The following RRBP1 variants were observed in gnomAD, a reference collection of about 807,000 sequenced individuals.
RRBP1 encodes ribosome binding protein 1, also known as ribosome-binding protein 1.
RRBP1 carries 94 observed loss-of-function variants against 165.2 expected under a neutral mutation model. The observed-to-expected ratio is 0.57, with a 90% CI of 0.48 to 0.68. The LOEUF is 0.68. RRBP1 is among the 30% of genes least tolerant of loss of function. The pLI, the probability that RRBP1 is intolerant of heterozygous loss-of-function variation, is 0.00. For missense variants in RRBP1, 1,676 were observed against 1,763.0 expected (o/e 0.95, Z 0.88); for synonymous variants, 680 against 714.5 (o/e 0.95, Z 0.77).
At chr20:17,619,802 G>A in intron 18 of RRBP1, 74 bp from the exon 19 acceptor site, 1 of 1,141,070 alleles carries the variant, frequency 8.8e-7, no homozygotes. Flanking sequence ...TCAGGGAGCA[G>A]GCTGGCCCTG....
intron 21 of RRBP1, 132 bp downstream of exon 21, chr20:17,616,600 G>A (rs2035804952): frequency 2.4e-5 from 15 of 631,452 alleles, no homozygotes; most frequent in Middle Eastern, 3.7e-4. Context: ...TCCAAATGGG[G>A]CAAAGCAGGG....
chr20:17,618,792 C>G (rs1365799252), intron 19 of RRBP1, 113 bp from the exon 20 acceptor site: 6 of 785,620 alleles, frequency 7.6e-6, no homozygotes, highest in Non-Finnish European at 1.3e-5. Context: ...TAACCAAAAC[C>G]CTGAGGAGGG....
chr20:17,640,323 C>T (rs761756925), intron 5 of RRBP1, among the ~76,000 whole-genome samples: 15 of 152,260 alleles, frequency 9.9e-5, no homozygotes, highest in East Asian at 1.9e-4. Context: ...CATCCAAGCA[C>T]GGAAGGGCAT....
chr20:17,636,518 G>A (rs1465577744), intron 6 of RRBP1, 59 bp downstream of exon 6: 14 of 1,583,074 alleles, frequency 8.8e-6, no homozygotes, highest in East Asian at 2.2e-5. Flanking sequence ...GGCTCCCTCC[G>A]TCCTGGACCT....
At chr20:17,681,774 G>A (rs939791061) in intron 1 of RRBP1, among the ~76,000 whole-genome samples, 4 of 150,704 alleles carry the variant, frequency 2.7e-5, no homozygotes, top group African/African-American at 9.7e-5. Context: ...CTCCCCGGAC[G>A]GCGAGGGCCG....
In RRBP1 at chr20:17,639,875, A is replaced by G. The variant is rs2036317360; in HGVS notation, c.2184+1922T>C. ...GCCATTGCACTCCAGCCTGGGCAAT[A>G]ACAGTGAAACTCCAGTCTCAAAAAA... On this transcript the variant is annotated intron_variant, in intron 5 of 24. Transcript: ENST00000377813. 2.0e-5 allele frequency among the ~76,000 whole-genome samples: 3 copies of G among 148,208 alleles called. No homozygotes were observed. In the Admixed American group the frequency reaches 2.0e-4, roughly 10 times the overall value.
At chr20:17,642,917 G>A (rs1383460059) in intron 4 of RRBP1, 62 bp downstream of exon 4, 9 of 1,569,288 alleles carry the variant, frequency 5.7e-6, no homozygotes, top group South Asian at 1.1e-5. Context: ...AGAGGGAAGG[G>A]CAAAACCACC....
intron 19 of RRBP1, chr20:17,619,194 C>T (rs2035860683): frequency 5.7e-6 from 1 of 175,028 alleles, no homozygotes; most frequent in Non-Finnish European, 1.2e-5. Flanking sequence ...GCTGGGATTA[C>T]AGGCATGAGC....
chr20:17,630,765 A>C (rs752107246), intron 8 of RRBP1, among the ~76,000 whole-genome samples: 1 of 152,250 alleles, frequency 6.6e-6, no homozygotes, highest in Non-Finnish European at 1.5e-5. Context: ...ACCACTGATT[A>C]TTCATTAACA....
In RRBP1 at chr20:17,642,619, G is replaced by A. The variant is rs192460122; in HGVS notation, c.2061+360C>T. On this transcript the variant is annotated intron_variant, in intron 4 of 24. Coordinates refer to ENST00000377813, the MANE Select transcript of RRBP1 (RefSeq NM_001365613.2). The stretch of plus-strand genomic sequence containing the variant: ...CCTCTGAACCTGCCCCCGGCAGCAC[G>A]ACGGAAACCAGGGGCGCTCCTGGGC... Among the ~76,000 whole-genome samples, 11 of 152,240 alleles carry A rather than the reference G, an allele frequency of 7.2e-5. No homozygotes were observed. In the East Asian group the frequency reaches 1.2e-3, roughly 16 times the overall value.
rs8803 is a variant in RRBP1 at position 17,614,156 on chromosome 20, G to A, written c.*26C>T. 0.031 allele frequency: 50,757 copies of A among 1,612,254 alleles called. 960 individuals carry two copies. The highest frequency in any genetic ancestry group is 0.068 in the Middle Eastern group (413 of 6,046). On this transcript the variant is annotated 3_prime_UTR_variant, in exon 25 of 25. Coordinates refer to ENST00000377813, the MANE Select transcript of RRBP1 (RefSeq NM_001365613.2). ...GTAAGGCATTTTGGTAAGTTGAACA[G>A]TAACTTCTTTTTCCAAAGAGGAAAC...
chr20:17,625,546 CT>C lies in RRBP1; in HGVS notation c.3019del (p.Arg1007GlyfsTer9). 1 of 1,613,944 alleles carries C rather than the reference CT, an allele frequency of 6.2e-7. No homozygotes were observed. ...SGLEKEAIEL[R>X]EAVEQQKVKN... Reference sequence around the variant, plus strand: ...CACTTTCTGCTGCTCGACGGCCTCCCTGAGCTCGATGGCCTCCTTCTCCAGA... The same window carrying C: ...CACTTTCTGCTGCTCGACGGCCTCCCGAGCTCGATGGCCTCCTTCTCCAGA... On this transcript the variant is annotated frameshift_variant, in exon 12 of 25. Transcript: ENST00000377813. LOFTEE classifies it high-confidence loss of function.
In RRBP1 at chr20:17,628,264, T is replaced by C. The variant is rs372045269; in HGVS notation, c.2750-582A>G. Among the ~76,000 whole-genome samples, 43 of 152,156 alleles carry C rather than the reference T, an allele frequency of 2.8e-4. 1 individual carries two copies. The highest frequency in any genetic ancestry group is 5.9e-5 in the Non-Finnish European group (4 of 68,020). On this transcript the variant is annotated intron_variant, in intron 9 of 24. Transcript: ENST00000377813. ...CTCTCCCCAACCCCAGGCTCTGCCA[T>C]CTGCCTCTTCTAAATGAAGCTCTAG...
At chr20:17,617,568 G>A (rs1254174269) in intron 20 of RRBP1, among the ~76,000 whole-genome samples, 1 of 152,234 alleles carries the variant, frequency 6.6e-6, no homozygotes, top group Non-Finnish European at 1.5e-5. Flanking sequence ...GAAACTCCAG[G>A]GGGTTTTCTC....
chr20:17,621,764 C>A lies in RRBP1; in HGVS notation c.3250G>T (p.Glu1084Ter). The change falls in exon 15 of 25, where the codon GAG becomes TAG. Residue 1084 changes from glutamate to a stop codon, truncating the protein, a stop_gained. Coordinates refer to ENST00000377813, the MANE Select transcript of RRBP1 (RefSeq NM_001365613.2). LOFTEE classifies it high-confidence loss of function. ...TTCTCTTTGAGATCCTGCAGCCACT[C>A]GGTGTAATTCTGCAATGAAACACAT... The part of the protein sequence containing the change: ...LSVLAQQNYT[E>*]WLQDLKEKGP... 6.2e-7 allele frequency: 1 copy of A among 1,613,940 alleles called. No homozygotes were observed. Among genetic ancestry groups the A allele is most frequent in the Non-Finnish European group, 8.5e-7 (1 of 1,180,008 alleles).
rs890504164 is a variant in RRBP1, at chr20:17,659,791, C to G, written c.717G>C (p.Gly239=). 5 of 1,548,682 alleles carry G rather than the reference C, an allele frequency of 3.2e-6. No homozygotes were observed. Among genetic ancestry groups the G allele is most frequent in the Admixed American group, 3.9e-5 (2 of 50,790 alleles). Residue 239 remains glycine (G), a synonymous_variant, in exon 3 of 25, where the codon GGG becomes GGC. Transcript: ENST00000377813. ...GGTTTGGGGTTCCCTCTGCCTTTTT[C>G]CCTTGGTTTGGGGTTCCCTCTGTCT... ...GKKTEGTPNQ[G]KKAEGTPNQG...
At chr20:17,680,111 G>C (rs2037152099) in intron 1 of RRBP1, 36 bp from the exon 2 acceptor site, 3 of 152,232 alleles carry the variant, frequency 2.0e-5, no homozygotes, top group Admixed American at 6.5e-5. Context: ...GATAGTGGGA[G>C]TGACCTTTGG....
chr20:17,657,414 G>A (rs576180959), intron 3 of RRBP1, among the ~76,000 whole-genome samples: 1 of 152,354 alleles, frequency 6.6e-6, no homozygotes, highest in African/African-American at 2.4e-5. Context: ...CCTGACAGAG[G>A]CAAGATAGGG....
intron 2 of RRBP1, among the ~76,000 whole-genome samples, chr20:17,676,360 C>T (rs565685226): frequency 3.9e-5 from 6 of 152,236 alleles, no homozygotes; most frequent in South Asian, 2.1e-4. Flanking sequence ...AAGGATAAAC[C>T]GAGGTTTGTG....
Sources: allele counts gnomAD v4.1 joint callset (sites outside exome capture counted in the v4.1 genomes callset), GRCh38; gene constraint gnomAD v4.1.1; transcripts MANE v1.5; gene names NCBI Gene and HGNC (gene_info 2026-07-23, HGNC 2026-07-21).